ASTN2: variants seen among roughly 807,000 people sequenced by gnomAD.
The protein encoded by ASTN2 is astrotactin 2, also known as astrotactin-2.
A neutral mutation model predicts 139.8 loss-of-function variants in ASTN2; 54 were observed. That is an observed-to-expected ratio of 0.39 (90% CI 0.31 to 0.48). The LOEUF (loss-of-function observed/expected upper bound fraction) is 0.48. Ranked by LOEUF, ASTN2 falls within the 20% of genes least tolerant of loss-of-function variation. The pLI is 0.95. For synonymous variants in ASTN2, 756 were observed against 719.5 expected (o/e 1.05, Z -0.81); for missense variants, 1,565 against 1,725.1 (o/e 0.91, Z 1.64).
At chr9:117,365,969 C>T (rs892338704) in intron 1 of ASTN2, among the ~76,000 whole-genome samples, 2 of 152,150 alleles carry the variant, frequency 1.3e-5, no homozygotes, top group Non-Finnish European at 2.9e-5. Context: ...GTTAACATAG[C>T]ATTCTGTTTG....
intron 1 of ASTN2, among the ~76,000 whole-genome samples, chr9:117,387,194 G>C (rs1487370948): frequency 6.6e-6 from 1 of 152,154 alleles, no homozygotes; most frequent in East Asian, 1.9e-4. Flanking sequence ...AAGGTGCTCA[G>C]TATATCCTCA....
rs1180341049 is a variant in ASTN2, at chr9:117,414,253, AGG to A, written c.442+242_442+243del. ...GCTCCAGGTCGGGACTGAGAGGCAGAGGGGCAGGTTCCCACTGCGGGAGGGTT... is the reference window on the plus strand; with the variant it reads ...GCTCCAGGTCGGGACTGAGAGGCAGAGGCAGGTTCCCACTGCGGGAGGGTT... On this transcript the variant is annotated intron_variant, in intron 1 of 22. Coordinates refer to ENST00000313400, the MANE Select transcript of ASTN2 (RefSeq NM_001365068.1). The surrounding 1 kb of genome is among the most constrained non-coding windows in gnomAD (Gnocchi z 4.2). 6.6e-6 allele frequency among the ~76,000 whole-genome samples: 1 copy of A among 152,062 alleles called. No homozygotes were observed. Among genetic ancestry groups the A allele is most frequent in the African/African-American group, 2.4e-5 (1 of 41,438 alleles).
At chr9:116,821,378 T>G (rs1831480039) in intron 11 of ASTN2, among the ~76,000 whole-genome samples, 1 of 152,214 alleles carries the variant, frequency 6.6e-6, no homozygotes, top group African/African-American at 2.4e-5. Context: ...CATACCTTAC[T>G]TCGGAATTTG....
chr9:117,119,986 T>TTGTGTGTGTGTGTGTG (rs1321670412), intron 4 of ASTN2, among the ~76,000 whole-genome samples: 1 of 79,916 alleles, frequency 1.3e-5, no homozygotes, highest in South Asian at 4.6e-4. Context: ...CTCTATATAT[T>TTGTGTGTGTGTGTGTG]TGTATGTGTG....
At chr9:116,709,519 C>A (rs1380755666) in intron 16 of ASTN2, among the ~76,000 whole-genome samples, 2 of 152,184 alleles carry the variant, frequency 1.3e-5, no homozygotes, top group Non-Finnish European at 2.9e-5. Context: ...ATACCCTGAC[C>A]AACATCTGCA....
intron 13 of ASTN2, among the ~76,000 whole-genome samples, chr9:116,779,526 A>C (rs1253052031): frequency 6.6e-6 from 1 of 151,838 alleles, no homozygotes; most frequent in Non-Finnish European, 1.5e-5. Context: ...AGCAACACAG[A>C]CACCTCCCTA....
chr9:117,063,378 G>A (rs571667106), intron 5 of ASTN2, among the ~76,000 whole-genome samples: 13 of 152,130 alleles, frequency 8.5e-5, no homozygotes, highest in Non-Finnish European at 1.5e-4. Flanking sequence ...ATTGAATCAC[G>A]GGGGTGATTT....
intron 3 of ASTN2, among the ~76,000 whole-genome samples, chr9:117,147,466 C>CA (rs1421525394): frequency 6.8e-6 from 1 of 146,966 alleles, no homozygotes; most frequent in Non-Finnish European, 1.5e-5. Flanking sequence ...CACACACACC[C>CA]CCGTTATCCA....
At chr9:116,823,559 C>A (rs10817939) in intron 11 of ASTN2, among the ~76,000 whole-genome samples, 29,014 of 152,152 alleles carry the variant, frequency 0.19, 3,439 homozygotes, top group Middle Eastern at 0.28. Context: ...ACCCCATATT[C>A]CTCAGCACAT....
At chr9:117,268,213 C>T (rs1217699600) in intron 2 of ASTN2, among the ~76,000 whole-genome samples, 1 of 152,146 alleles carries the variant, frequency 6.6e-6, no homozygotes, top group Admixed American at 6.5e-5. Flanking sequence ...GTATGTCCAC[C>T]TGCGTTCATC....
At chr9:116,649,443 A>G (rs948486502) in intron 17 of ASTN2, among the ~76,000 whole-genome samples, 1 of 151,248 alleles carries the variant, frequency 6.6e-6, no homozygotes, top group African/African-American at 2.4e-5. Context: ...GCATGGTGGC[A>G]GGTACCTGTA....
At chr9:116,521,616 CA>C (rs1169173199) in intron 19 of ASTN2, among the ~76,000 whole-genome samples, 1 of 152,040 alleles carries the variant, frequency 6.6e-6, no homozygotes, top group Non-Finnish European at 1.5e-5. Flanking sequence ...ACAAATAACC[CA>C]AAAGCAAACA....
chr9:116,682,379 A>G (rs938513217), intron 16 of ASTN2, among the ~76,000 whole-genome samples: 2 of 152,156 alleles, frequency 1.3e-5, no homozygotes, highest in Admixed American at 1.3e-4. Context: ...GGAAACAACA[A>G]GTGCTGGAGA....
At chr9:116,853,389 C>A (rs186735490) in intron 11 of ASTN2, among the ~76,000 whole-genome samples, 92 of 152,254 alleles carry the variant, frequency 6.0e-4, no homozygotes, top group Admixed American at 1.2e-3. Flanking sequence ...CTTTTCGTTT[C>A]AGAGCTAAGG....
At position 116,698,403 on chromosome 9, in the gene ASTN2, G is replaced by A. The variant is rs758553325; in HGVS notation, c.2806+27368C>T. ...AGTTGAGAAGTCCAATAGTCAAGTG[G>A]TAGAGGAGCAGAGTTACCTGCTTAA... On this transcript the variant is annotated intron_variant, in intron 16 of 22. Transcript: ENST00000313400. The surrounding 1 kb of genome is among the most constrained non-coding windows in gnomAD (Gnocchi z 4.4). The A allele has an allele frequency of 1.2e-6, 2 of 1,614,136 alleles. No individual in the cohort carries two copies. Among genetic ancestry groups the A allele is most frequent in the East Asian group, 2.2e-5 (1 of 44,858 alleles).
At chr9:116,526,166 A>G (rs1851080521) in intron 19 of ASTN2, among the ~76,000 whole-genome samples, 2 of 152,190 alleles carry the variant, frequency 1.3e-5, no homozygotes, top group South Asian at 4.1e-4. Context: ...TTCTTTCACA[A>G]AAAGGATAAA....
At chr9:116,562,512 G>A (rs2416561) in intron 19 of ASTN2, among the ~76,000 whole-genome samples, 6,741 of 151,624 alleles carry the variant, frequency 0.044, 527 homozygotes, top group African/African-American at 0.15. Context: ...CTAGGCGGGC[G>A]GATCACCTGA....
intron 3 of ASTN2, among the ~76,000 whole-genome samples, chr9:117,189,728 T>G (rs1165387840): frequency 6.6e-6 from 1 of 152,198 alleles, no homozygotes; most frequent in African/African-American, 2.4e-5. Flanking sequence ...GTTGGGCATC[T>G]TAACTACTTT....
Position 116,440,468 on chromosome 9 carries a change from C to T in ASTN2, c.3782+141G>A, listed in dbSNP as rs576539193. The stretch of plus-strand genomic sequence containing the variant: ...TTCATTATCTCTGCCTATTTTCTAT[C>T]TTTAGCCTTGACACGACCAAGGTGA... On this transcript the variant is annotated intron_variant, in intron 22 of 22. Transcript: ENST00000313400. 10 of 756,584 alleles carry T rather than the reference C, an allele frequency of 1.3e-5. No individual in the cohort carries two copies. The South Asian group carries it at 2.1e-4, about 16-fold the overall frequency. 46.9% of individuals were successfully genotyped at this position (756,584 alleles called of 1,614,324 possible). A position where few individuals can be genotyped will look rare whatever the true frequency, so the allele number is the denominator to read the frequency against.
Sources: allele counts gnomAD v4.1 joint callset (sites outside exome capture counted in the v4.1 genomes callset), GRCh38; gene constraint gnomAD v4.1.1; non-coding constraint Gnocchi (gnomAD v3.1); transcripts MANE v1.5; gene names NCBI Gene and HGNC (gene_info 2026-07-23, HGNC 2026-07-21).